SLC25A13: variants seen among roughly 807,000 people sequenced by gnomAD.
SLC25A13 encodes electrogenic aspartate/glutamate antiporter SLC25A13, mitochondrial.
Under a neutral mutation model 85.5 loss-of-function variants are expected in SLC25A13, and 70 were observed. That is an observed-to-expected ratio of 0.82 (90% confidence interval 0.68 to 1.00). SLC25A13 has a LOEUF of 1.00. SLC25A13 is among the 50% of genes least tolerant of loss of function. The pLI, the probability that SLC25A13 is intolerant of heterozygous loss-of-function variation, is 0.00. For synonymous variants in SLC25A13, 259 were observed against 288.7 expected (o/e 0.90, Z 1.04); for missense variants, 765 against 819.8 (o/e 0.93, Z 0.82).
At chr7:96,123,938 T>C (rs887323969) in intron 15 of SLC25A13, among the ~76,000 whole-genome samples, 1 of 152,156 alleles carries the variant, frequency 6.6e-6, no homozygotes, top group African/African-American at 2.4e-5. Context: ...TTTTCTCTAT[T>C]CCTAAAGACA....
chr7:96,169,003 C>T (rs1164704318), intron 13 of SLC25A13, among the ~76,000 whole-genome samples: 2 of 152,166 alleles, frequency 1.3e-5, no homozygotes, highest in African/African-American at 4.8e-5. Context: ...ATCCTGAACG[C>T]TCCTAAAGTT....
intron 3 of SLC25A13, among the ~76,000 whole-genome samples, chr7:96,236,183 A>T (rs759209178): frequency 3.4e-4 from 51 of 152,218 alleles, no homozygotes; most frequent in Non-Finnish European, 6.6e-4. Flanking sequence ...TGTTCAATAT[A>T]GCATCTCTGT....
intron 11 of SLC25A13, among the ~76,000 whole-genome samples, chr7:96,172,625 TCTGA>T (rs888227809): frequency 1.8e-4 from 27 of 151,894 alleles, no homozygotes; most frequent in African/African-American, 6.3e-4. Flanking sequence ...CTGACCGAAC[TCTGA>T]CTGACCCCGG....
intron 3 of SLC25A13, among the ~76,000 whole-genome samples, chr7:96,253,686 A>G (rs889489561): frequency 5.3e-5 from 8 of 152,126 alleles, no homozygotes; most frequent in African/African-American, 1.7e-4. Context: ...CAGCATAGGA[A>G]GTGTTTGGTG....
At chr7:96,303,380 C>CAGTG (rs1799624909) in intron 1 of SLC25A13, among the ~76,000 whole-genome samples, 1 of 151,974 alleles carries the variant, frequency 6.6e-6, no homozygotes, top group South Asian at 2.1e-4. Flanking sequence ...AATAAGCATG[C>CAGTG]AGTGACAAGC....
intron 5 of SLC25A13, among the ~76,000 whole-genome samples, chr7:96,203,544 A>C (rs1176156065): frequency 6.6e-6 from 1 of 152,206 alleles, no homozygotes; most frequent in Non-Finnish European, 1.5e-5. Context: ...AGGTGACTGT[A>C]AGGACAAATA....
intron 4 of SLC25A13, among the ~76,000 whole-genome samples, chr7:96,219,255 T>A (rs1382109110): frequency 1.3e-5 from 2 of 152,158 alleles, no homozygotes; most frequent in East Asian, 1.9e-4. Context: ...CTGTAAACTT[T>A]TTATTATTAT....
rs75385216 is a variant in SLC25A13, at chr7:96,285,492, C to A, written c.70-8154G>T. 2.8e-3 allele frequency among the ~76,000 whole-genome samples: 433 copies of A among 152,260 alleles called. 1 individual carries two copies. The highest frequency in any genetic ancestry group is 9.7e-3 in the African/African-American group (401 of 41,540). On this transcript the variant is annotated intron_variant, in intron 2 of 17. Transcript: ENST00000265631. ...CCTGCAGAGGTTGTTTTCTCCTCAA[C>A]TCATCTCCAGGCCTTCCCTCAAACG... is the stretch of plus-strand genomic sequence containing the variant.
At chr7:96,180,439 G>A (rs1334992980) in intron 11 of SLC25A13, among the ~76,000 whole-genome samples, 6 of 152,058 alleles carry the variant, frequency 3.9e-5, no homozygotes, top group African/African-American at 7.2e-5. Context: ...GGGTTCAAGC[G>A]ATTCTCCTGC....
At chr7:96,159,126 G>A (rs545208030) in intron 13 of SLC25A13, among the ~76,000 whole-genome samples, 1 of 152,286 alleles carries the variant, frequency 6.6e-6, no homozygotes, top group East Asian at 1.9e-4. Context: ...GCATGAGGTC[G>A]GAAGGCCACT....
chr7:96,313,519 C>T (rs1391059493), intron 1 of SLC25A13, among the ~76,000 whole-genome samples: 2 of 152,118 alleles, frequency 1.3e-5, no homozygotes, highest in Admixed American at 6.5e-5. Context: ...GAACAGAAAA[C>T]CAAATATCAC....
intron 13 of SLC25A13, among the ~76,000 whole-genome samples, chr7:96,168,185 A>G (rs994097869): frequency 6.7e-6 from 1 of 149,288 alleles, no homozygotes. Flanking sequence ...CCATTCATCT[A>G]CTCAGAGATC....
chr7:96,297,700 C>G (rs1445119640), intron 1 of SLC25A13, among the ~76,000 whole-genome samples: 1 of 152,168 alleles, frequency 6.6e-6, no homozygotes, highest in Non-Finnish European at 1.5e-5. Context: ...GGAGTTACTT[C>G]TCACAGTTTC....
chr7:96,237,962 C>A (rs1363566257), intron 3 of SLC25A13, among the ~76,000 whole-genome samples: 3 of 152,078 alleles, frequency 2.0e-5, no homozygotes, highest in African/African-American at 7.2e-5. Context: ...CAGCCAGAAG[C>A]CAAAAGAGAC....
At chr7:96,238,285 A>G (rs1796818693) in intron 3 of SLC25A13, among the ~76,000 whole-genome samples, 1 of 152,138 alleles carries the variant, frequency 6.6e-6, no homozygotes, top group Admixed American at 6.6e-5. Flanking sequence ...CCACCAGAAG[A>G]CAGGAAAGAA....
intron 11 of SLC25A13, among the ~76,000 whole-genome samples, chr7:96,176,753 A>G (rs918155235): frequency 3.3e-5 from 5 of 152,216 alleles, no homozygotes; most frequent in Non-Finnish European, 7.3e-5. Flanking sequence ...TGTTAGAAAT[A>G]TAACTGGAAT....
At chr7:96,246,427 T>C (rs190009043) in intron 3 of SLC25A13, among the ~76,000 whole-genome samples, 10 of 152,294 alleles carry the variant, frequency 6.6e-5, no homozygotes, top group Non-Finnish European at 1.2e-4. Flanking sequence ...GTAATGATGA[T>C]TAAAACAATA....
intron 1 of SLC25A13, among the ~76,000 whole-genome samples, chr7:96,321,362 A>G (rs1044931834): frequency 2.6e-5 from 4 of 152,164 alleles, no homozygotes; most frequent in African/African-American, 9.7e-5. Flanking sequence ...GATGGGAATG[A>G]TGGGAAAGCG....
In SLC25A13 at chr7:96,145,362, T is replaced by C. The variant is rs955339612; in HGVS notation, c.1452+1194A>G. 2.0e-5 allele frequency among the ~76,000 whole-genome samples: 3 copies of C among 152,110 alleles called. No homozygotes were observed. In the South Asian group the frequency reaches 6.2e-4, roughly 32 times the overall value. On this transcript the variant is annotated intron_variant, in intron 14 of 17. Transcript: ENST00000265631. The stretch of plus-strand genomic sequence containing the variant: ...GATTCTCCTGAGACAGCCACAATTA[T>C]TACTAATTCTGGATGTTTACTGAGG...
Sources: gnomAD v4.1 joint callset for allele counts (sites outside exome capture counted in the v4.1 genomes callset) on GRCh38, gnomAD v4.1.1 for gene constraint, MANE v1.5 for transcripts, NCBI Gene and HGNC (gene_info 2026-07-23, HGNC 2026-07-21) for gene names.